The following FRY variants were observed in gnomAD, a reference collection of about 807,000 sequenced individuals.
FRY encodes protein furry homolog.
A neutral mutation model predicts 348.4 loss-of-function variants in FRY; 128 were observed. That is an observed-to-expected ratio of 0.37 (90% CI 0.32 to 0.43). FRY has a LOEUF of 0.43. FRY is among the 20% of genes least tolerant of loss of function. FRY has a pLI of 1.00. For missense variants in FRY, 2,736 were observed against 3,695.2 expected, an observed-to-expected ratio of 0.74 and a Z score of 6.73; for synonymous variants, 1,370 against 1,374.7, an observed-to-expected ratio of 1.00 and a Z score of 0.08.
chr13:32,209,108 A>G lies in FRY; in HGVS notation c.4274A>G (p.Lys1425Arg). 2 of 1,614,080 alleles carry G rather than the reference A, an allele frequency of 1.2e-6. No individual in the cohort carries two copies. Among genetic ancestry groups the G allele is most frequent in the Admixed American group, 1.7e-5 (1 of 60,020 alleles). Reference sequence around the variant, plus strand: ...AACAACCTCATGTACATGACGGCCAAGGTAAACTCAGAGGAATTGTGCTTC... The same window carrying G: ...AACAACCTCATGTACATGACGGCCAGGGTAAACTCAGAGGAATTGTGCTTC... ...VLNNLMYMTA[K>R]YGDEVPGPEM... The change falls in exon 32 of 61, where the codon AAG becomes AGG. Residue 1425 changes from lysine to arginine, a missense_variant and splice_region_variant. This residue lies in a region of FRY where 794 missense variants were observed against 977.0 expected (regional missense o/e 0.81). Transcript: ENST00000542859.
chr13:32,035,064 G>A (rs1390588513), intron 1 of FRY, among the ~76,000 whole-genome samples: 1 of 152,152 alleles, frequency 6.6e-6, no homozygotes, highest in East Asian at 1.9e-4. Context: ...AAGATGTAAA[G>A]CACTTAGCAC....
At chr13:32,192,270 T>G (rs1883380754) in intron 28 of FRY, among the ~76,000 whole-genome samples, 2 of 151,444 alleles carry the variant, frequency 1.3e-5, no homozygotes, top group Non-Finnish European at 2.9e-5. Context: ...TTAATGACTT[T>G]TTTTGTTTTG....
At chr13:32,167,676 A>G (rs1007510760) in intron 17 of FRY, among the ~76,000 whole-genome samples, 4 of 152,304 alleles carry the variant, frequency 2.6e-5, no homozygotes, top group African/African-American at 4.8e-5. Flanking sequence ...ATCAGTTAAC[A>G]TTTATGTAGT....
At chr13:32,116,178 G>A (rs77441680) in intron 3 of FRY, among the ~76,000 whole-genome samples, 5,258 of 150,682 alleles carry the variant, frequency 0.035, 94 homozygotes, top group African/African-American at 0.049. Flanking sequence ...GGCCTTCTTG[G>A]GAATGATTTT....
chr13:32,090,409 A>AGGCACTAC (rs1162614141), intron 2 of FRY, among the ~76,000 whole-genome samples: 2 of 151,370 alleles, frequency 1.3e-5, no homozygotes, highest in Non-Finnish European at 2.9e-5. Flanking sequence ...TGGTCAAGGA[A>AGGCACTAC]GGCACTACGA....
At chr13:32,114,187 A>C (rs757530744) in intron 3 of FRY, among the ~76,000 whole-genome samples, 10 of 152,210 alleles carry the variant, frequency 6.6e-5, no homozygotes, top group Non-Finnish European at 1.5e-4. Flanking sequence ...TATCCCACAC[A>C]AGTATTTTTT....
rs745317841 is a variant in FRY, at chr13:32,193,358, T to C, written c.3592-785T>C. Reference sequence around the variant, plus strand: ...ACTTTGTAGTAGGAATAGACATTGATACACAAGTATACTTCACATCTGCCA... The same window carrying C: ...ACTTTGTAGTAGGAATAGACATTGACACACAAGTATACTTCACATCTGCCA... On this transcript the variant is annotated intron_variant, in intron 28 of 60. Coordinates refer to ENST00000542859, the MANE Select transcript of FRY (RefSeq NM_023037.3). Among the ~76,000 whole-genome samples the C allele has an allele frequency of 2.0e-5, 3 of 151,866 alleles. 1 individual carries two copies. The highest frequency in any genetic ancestry group is 4.2e-4 in the South Asian group (2 of 4,802).
chr13:32,063,008 G>T (rs926515090), intron 1 of FRY, among the ~76,000 whole-genome samples: 1 of 151,918 alleles, frequency 6.6e-6, no homozygotes, highest in East Asian at 1.9e-4. Flanking sequence ...TATTGTACTT[G>T]TGTATAGGTA....
At chr13:32,051,539 A>G (rs1873329194) in intron 1 of FRY, among the ~76,000 whole-genome samples, 1 of 152,232 alleles carries the variant, frequency 6.6e-6, no homozygotes, top group South Asian at 2.1e-4. Context: ...TGAGACGAGT[A>G]TACTCTATTT....
At chr13:32,206,876 C>T (rs541210910) in intron 31 of FRY, among the ~76,000 whole-genome samples, 9 of 152,112 alleles carry the variant, frequency 5.9e-5, no homozygotes, top group East Asian at 5.8e-4. Flanking sequence ...TTATTGTAAA[C>T]GGCCAGACAA....
At chr13:32,199,977 G>A (rs543460784) in intron 29 of FRY, among the ~76,000 whole-genome samples, 1 of 152,262 alleles carries the variant, frequency 6.6e-6, no homozygotes, top group African/African-American at 2.4e-5. Context: ...TCTGGTGAGG[G>A]CCTTCTTGCT....
chr13:32,049,114 A>C (rs1255437389), intron 1 of FRY, among the ~76,000 whole-genome samples: 2 of 152,198 alleles, frequency 1.3e-5, no homozygotes, highest in Non-Finnish European at 2.9e-5. Context: ...GGACCTGGGG[A>C]CACTGACCTA....
At chr13:32,139,494 G>A (rs1593658109) in intron 11 of FRY, among the ~76,000 whole-genome samples, 1 of 152,232 alleles carries the variant, frequency 6.6e-6, no homozygotes, top group South Asian at 2.1e-4. Flanking sequence ...GAGCAGAAGT[G>A]TGCGTGAGCG....
At position 32,267,328 on chromosome 13, in the gene FRY, A is replaced by G. The variant is rs1887975365; in HGVS notation, c.8105A>G (p.Tyr2702Cys). Residue 2702 changes from tyrosine to cysteine, a missense_variant, in exon 55 of 61, where the codon TAT (tyrosine) becomes TGT (cysteine). Physicochemically the swap from Tyr to Cys is radical, Grantham distance 194 (BLOSUM62 -2). Coordinates refer to ENST00000542859, the MANE Select transcript of FRY (RefSeq NM_023037.3). ...GACTCAGATGGCTCCTGTGCTGTGT[A>G]TACATTTCATGTGTTCTCCTCCTTG... ...MCDSDGSCAV[Y>C]TFHVFSSLFK... is the part of the protein sequence containing the mutation. The G allele has an allele frequency of 6.2e-7, 1 of 1,614,020 alleles. No homozygotes were observed. Among genetic ancestry groups the G allele is most frequent in the Non-Finnish European group, 8.5e-7 (1 of 1,180,014 alleles).
chr13:32,265,751 G>A (rs1887893015), intron 54 of FRY, 135 bp downstream of exon 54: 1 of 880,680 alleles, frequency 1.1e-6, no homozygotes, highest in Non-Finnish European at 1.8e-6. Context: ...ATATATCATG[G>A]CAGGCTCTCA....
At chr13:32,080,561 T>C (rs1187120036) in intron 2 of FRY, among the ~76,000 whole-genome samples, 1 of 152,222 alleles carries the variant, frequency 6.6e-6, no homozygotes, top group Admixed American at 6.5e-5. Context: ...GTAGAGGCAC[T>C]GTTGCAGATA....
intron 11 of FRY, among the ~76,000 whole-genome samples, chr13:32,144,210 C>A (rs1191123623): frequency 7.5e-5 from 11 of 146,264 alleles, no homozygotes; most frequent in African/African-American, 1.5e-4. Flanking sequence ...CAAAAAAAAA[C>A]CAAAACAAAC....
At chr13:32,165,595 C>T (rs1390368142) in intron 17 of FRY, among the ~76,000 whole-genome samples, 1 of 152,200 alleles carries the variant, frequency 6.6e-6, no homozygotes, top group African/African-American at 2.4e-5. Context: ...TCTTCCTCCA[C>T]GGCCCTTGTT....
At chr13:32,185,893 T>G (rs1272729555) in intron 26 of FRY, among the ~76,000 whole-genome samples, 1 of 152,226 alleles carries the variant, frequency 6.6e-6, no homozygotes, top group Non-Finnish European at 1.5e-5. Flanking sequence ...ATAGACAGTC[T>G]ATGCTATTTC....
Sources: allele counts gnomAD v4.1 joint callset (sites outside exome capture counted in the v4.1 genomes callset), GRCh38; gene constraint gnomAD v4.1.1; regional missense constraint gnomAD v4.1.1; transcripts MANE v1.5; gene names NCBI Gene and HGNC (gene_info 2026-07-23, HGNC 2026-07-21).